Variants in CDYL2 observed in about 807,000 individuals in gnomAD.
CDYL2 encodes chromodomain Y like 2.
Under a neutral mutation model 49.4 loss-of-function variants are expected in CDYL2, and 23 were observed. That is an observed-to-expected ratio of 0.47 (90% CI 0.34 to 0.66). The LOEUF (loss-of-function observed/expected upper bound fraction) is 0.66, where lower values mean the gene tolerates loss of function less well. Among genes scored for constraint, CDYL2 ranks in the 30% least tolerant of loss-of-function variants. CDYL2 has a pLI of 0.01. For missense variants in CDYL2, 678 were observed against 656.4 expected (o/e 1.03, Z -0.36); for synonymous variants, 360 against 268.8 (o/e 1.34, Z -3.32).
chr16:80,621,032 G>A (rs1278167413), intron 3 of CDYL2, 97 bp from the exon 4 acceptor site: 7 of 1,349,540 alleles, frequency 5.2e-6, no homozygotes, highest in Non-Finnish European at 6.9e-6. Flanking sequence ...ACCCCCTGAG[G>A]GTAGAGGCCA....
chr16:80,754,953 G>C (rs1265862531), intron 1 of CDYL2, among the ~76,000 whole-genome samples: 1 of 151,818 alleles, frequency 6.6e-6, no homozygotes, highest in African/African-American at 2.4e-5. Context: ...ATATCATTAG[G>C]ATTTCACTTC....
chr16:80,689,359 C>A (rs1910322266), intron 1 of CDYL2, among the ~76,000 whole-genome samples: 1 of 152,230 alleles, frequency 6.6e-6, no homozygotes, highest in Non-Finnish European at 1.5e-5. Flanking sequence ...CTGGTACATG[C>A]ATAGTTCCAG....
chr16:80,798,288 C>T (rs954818281), intron 1 of CDYL2, among the ~76,000 whole-genome samples: 3 of 152,202 alleles, frequency 2.0e-5, no homozygotes, highest in Non-Finnish European at 4.4e-5. Flanking sequence ...AGCTATCCAC[C>T]TGCCTTGGCC....
At chr16:80,769,957 A>T (rs1906852180) in intron 1 of CDYL2, among the ~76,000 whole-genome samples, 1 of 152,204 alleles carries the variant, frequency 6.6e-6, no homozygotes, top group African/African-American at 2.4e-5. Context: ...TTAAAATGAA[A>T]TGGATTTTTC....
At chr16:80,623,683 G>C (rs1476064071) in intron 3 of CDYL2, among the ~76,000 whole-genome samples, 1 of 152,190 alleles carries the variant, frequency 6.6e-6, no homozygotes, top group African/African-American at 2.4e-5. Flanking sequence ...GGAGTCACTT[G>C]TTGAAGCTCC....
At chr16:80,624,753 G>C (rs1008056769) in intron 3 of CDYL2, among the ~76,000 whole-genome samples, 5 of 152,110 alleles carry the variant, frequency 3.3e-5, no homozygotes, top group African/African-American at 9.7e-5. Flanking sequence ...GGAGAATATG[G>C]GGAAAAAATA....
intron 4 of CDYL2, among the ~76,000 whole-genome samples, chr16:80,613,119 A>G (rs569743627): frequency 6.6e-6 from 1 of 152,274 alleles, no homozygotes; most frequent in East Asian, 1.9e-4. Flanking sequence ...CTCAAAAGCC[A>G]TAGCTTACAC....
intron 2 of CDYL2, among the ~76,000 whole-genome samples, chr16:80,653,012 A>G (rs1908650459): frequency 6.6e-6 from 1 of 152,208 alleles, no homozygotes; most frequent in Admixed American, 6.5e-5. Context: ...ATAAAGTATG[A>G]ACTTCAGTTC....
chr16:80,671,565 C>A (rs1221216154), intron 2 of CDYL2, among the ~76,000 whole-genome samples: 1 of 152,202 alleles, frequency 6.6e-6, no homozygotes, highest in Non-Finnish European at 1.5e-5. Context: ...CATACCATAC[C>A]TCTTCCCTGT....
intron 1 of CDYL2, among the ~76,000 whole-genome samples, chr16:80,723,902 A>AATGGGGG (rs1026656094): frequency 6.7e-6 from 1 of 148,486 alleles, no homozygotes; most frequent in African/African-American, 2.5e-5. Flanking sequence ...GAAGAGGAGA[A>AATGGGGG]ATGGGGGGAA....
At chr16:80,675,689 G>A (rs764317209) in intron 2 of CDYL2, among the ~76,000 whole-genome samples, 57 of 151,640 alleles carry the variant, frequency 3.8e-4, no homozygotes, top group Non-Finnish European at 7.2e-4. Flanking sequence ...GACATTAGGA[G>A]GTGAAGTTTT....
At chr16:80,792,914 C>T (rs1221615021) in intron 1 of CDYL2, among the ~76,000 whole-genome samples, 1 of 152,182 alleles carries the variant, frequency 6.6e-6, no homozygotes, top group Admixed American at 6.5e-5. Flanking sequence ...ATATAAGGGC[C>T]CAGTTCCCTT....
intron 1 of CDYL2, among the ~76,000 whole-genome samples, chr16:80,687,899 C>G (rs1910262678): frequency 6.6e-6 from 1 of 152,172 alleles, no homozygotes. Context: ...CTCCTGTGAC[C>G]ACAAACCTTA....
intron 1 of CDYL2, among the ~76,000 whole-genome samples, chr16:80,725,768 T>A (rs1387212984): frequency 6.6e-6 from 1 of 152,204 alleles, no homozygotes; most frequent in Non-Finnish European, 1.5e-5. Flanking sequence ...GTAACGCGCT[T>A]TAGCAACAAG....
At position 80,738,006 on chromosome 16, in the gene CDYL2, T is replaced by C. The variant is rs896661926; in HGVS notation, c.25-52877A>G. Among the ~76,000 whole-genome samples the C allele has an allele frequency of 5.0e-4, 76 of 152,238 alleles. 1 individual carries two copies. The highest frequency in any genetic ancestry group is 1.5e-4 in the Non-Finnish European group (10 of 68,028). On this transcript the variant is annotated intron_variant, in intron 1 of 6. Transcript: ENST00000570137. ...CTACATTGGGCATTTCTCCTAAAGC[T>C]ATCCCTCCCCTAGCCCCCAGCCCCC...
At chr16:80,629,052 G>A (rs886501688) in intron 3 of CDYL2, among the ~76,000 whole-genome samples, 2 of 152,176 alleles carry the variant, frequency 1.3e-5, no homozygotes, top group African/African-American at 4.8e-5. Context: ...AGGTGACTGA[G>A]GTACAGGAGG....
At chr16:80,753,806 T>A (rs1001854557) in intron 1 of CDYL2, among the ~76,000 whole-genome samples, 5 of 152,182 alleles carry the variant, frequency 3.3e-5, no homozygotes, top group African/African-American at 1.2e-4. Context: ...AAATGACGAA[T>A]GTCTGCTTAT....
intron 1 of CDYL2, among the ~76,000 whole-genome samples, chr16:80,711,713 G>C (rs1232558807): frequency 1.3e-5 from 2 of 152,000 alleles, no homozygotes; most frequent in Non-Finnish European, 2.9e-5. Context: ...TGTTTGAAAA[G>C]GCAACACACC....
chr16:80,638,818 A>C (rs1907954578), intron 2 of CDYL2, among the ~76,000 whole-genome samples: 3 of 152,196 alleles, frequency 2.0e-5, no homozygotes, highest in Admixed American at 2.0e-4. Flanking sequence ...TGTACTTTGC[A>C]AACAAAAATT....
Sources: gnomAD v4.1 joint callset for allele counts (sites outside exome capture counted in the v4.1 genomes callset) on GRCh38, gnomAD v4.1.1 for gene constraint, MANE v1.5 for transcripts, NCBI Gene and HGNC (gene_info 2026-07-23, HGNC 2026-07-21) for gene names.